The following CUX1 variants were observed in gnomAD, a reference collection of about 807,000 sequenced individuals.
CUX1 encodes the protein cut like homeobox 1, also known as protein CASP.
In CUX1, 31 loss-of-function variants were observed where a neutral mutation model predicts 158.8. The ratio of observed to expected loss-of-function variants is 0.20; its 90% confidence interval spans 0.15 to 0.26. The LOEUF (loss-of-function observed/expected upper bound fraction) is 0.26, where lower values mean the gene tolerates loss of function less well. CUX1 is among the 10% of genes least tolerant of loss of function. The pLI is 1.00. For missense variants in CUX1, 1,589 were observed against 2,014.6 expected, an observed-to-expected ratio of 0.79 and a Z score of 4.04; for synonymous variants, 879 against 862.1, an observed-to-expected ratio of 1.02 and a Z score of -0.34.
chr7:102,168,609 A>G (rs1475103036), intron 9 of CUX1, among the ~76,000 whole-genome samples: 1 of 139,150 alleles, frequency 7.2e-6, no homozygotes, highest in Non-Finnish European at 1.5e-5. Flanking sequence ...ATGCCACTGC[A>G]CTCCAGCCTA....
At chr7:102,143,532 C>T (rs1834687816) in intron 8 of CUX1, among the ~76,000 whole-genome samples, 1 of 152,218 alleles carries the variant, frequency 6.6e-6, no homozygotes, top group Non-Finnish European at 1.5e-5. Context: ...CTTGGCCTCC[C>T]AAAGTGCTGG....
At chr7:101,818,466 T>C (rs2130875471) in intron 1 of CUX1, among the ~76,000 whole-genome samples, 1 of 152,362 alleles carries the variant, frequency 6.6e-6, no homozygotes, top group East Asian at 1.9e-4. Context: ...CTAGAGTTAC[T>C]AGATTTTAAG....
At chr7:102,060,053 A>G (rs1032142871) in intron 3 of CUX1, among the ~76,000 whole-genome samples, 2 of 152,006 alleles carry the variant, frequency 1.3e-5, no homozygotes, top group Admixed American at 6.6e-5. Flanking sequence ...AGGTGGGCGG[A>G]TCATGAGGTC....
At chr7:102,188,242 C>T (rs1171313712) in intron 11 of CUX1, among the ~76,000 whole-genome samples, 6 of 151,896 alleles carry the variant, frequency 4.0e-5, no homozygotes, top group Middle Eastern at 3.4e-3. Flanking sequence ...AAGCATAATA[C>T]CTAGAAACCC....
rs1789803329 is a variant in CUX1, at chr7:102,255,525, C to T, written c.*6483C>T. ...CTTTTCATGAATCCTTTTAGTTTAC[C>T]CGATAATGTTAAGAAAGCATTAGTC... is the stretch of plus-strand genomic sequence containing the variant. On this transcript the variant is annotated 3_prime_UTR_variant, in exon 24 of 24. Transcript: ENST00000292535. 2 of 985,206 alleles carry T rather than the reference C, an allele frequency of 2.0e-6. No individual in the cohort carries two copies. The highest frequency in any genetic ancestry group is 2.4e-6 in the Non-Finnish European group (2 of 829,928). The allele number at this position is 985,206 out of a possible 1,614,324, so 61.0% of individuals were successfully genotyped here.
intron 3 of CUX1, among the ~76,000 whole-genome samples, chr7:102,051,275 CT>C (rs1301551216): frequency 6.6e-6 from 1 of 151,876 alleles, no homozygotes; most frequent in African/African-American, 2.4e-5. Context: ...TGATCTTTGT[CT>C]TCTTTAAAAC....
chr7:102,085,720 G>A (rs1827893105), intron 4 of CUX1, among the ~76,000 whole-genome samples: 2 of 152,138 alleles, frequency 1.3e-5, no homozygotes, highest in Admixed American at 1.3e-4. Flanking sequence ...TACAACTATA[G>A]TTTTCTGGTT....
At chr7:101,889,861 G>T (rs1800675907) in intron 1 of CUX1, among the ~76,000 whole-genome samples, 1 of 152,258 alleles carries the variant, frequency 6.6e-6, no homozygotes, top group Admixed American at 6.5e-5. Context: ...AGTTGCAAAT[G>T]CGGCCTTCTT....
chr7:101,932,902 T>C (rs931901796), intron 2 of CUX1, among the ~76,000 whole-genome samples: 4 of 152,268 alleles, frequency 2.6e-5, no homozygotes, highest in African/African-American at 9.6e-5. Context: ...TTTGCCACTC[T>C]AAGGAGAGGT....
intron 1 of CUX1, among the ~76,000 whole-genome samples, chr7:101,848,453 A>G (rs994047025): frequency 2.0e-5 from 3 of 152,172 alleles, no homozygotes; most frequent in African/African-American, 7.2e-5. Flanking sequence ...CCGCGAGGAG[A>G]AAATTTTCAA....
intron 10 of CUX1, among the ~76,000 whole-genome samples, chr7:102,174,949 C>CA (rs1177141548): frequency 1.3e-5 from 2 of 151,960 alleles, no homozygotes; most frequent in Non-Finnish European, 2.9e-5. Context: ...GACTCCATCT[C>CA]AAAAAACAAA....
intron 1 of CUX1, among the ~76,000 whole-genome samples, chr7:101,846,662 G>A (rs910029639): frequency 3.9e-5 from 6 of 152,022 alleles, no homozygotes; most frequent in Admixed American, 2.0e-4. Context: ...TGACAGTATC[G>A]ATCATCCACT....
intron 5 of CUX1, among the ~76,000 whole-genome samples, chr7:102,102,306 C>T (rs1554486727): frequency 1.3e-5 from 2 of 151,054 alleles, no homozygotes. Context: ...CGCCTGTAAT[C>T]TCAGCTACTC....
chr7:102,123,385 G>A (rs561278805), intron 8 of CUX1, among the ~76,000 whole-genome samples: 38 of 151,998 alleles, frequency 2.5e-4, no homozygotes, highest in African/African-American at 8.9e-4. Flanking sequence ...CGAGGCGGGC[G>A]AATCATGAGG....
Position 102,201,024 on chromosome 7 carries a change from C to CAAAAAA in CUX1, c.2063-336_2063-335insAAAAAA, listed in dbSNP as rs1795369830. On this transcript the variant is annotated intron_variant, in intron 17 of 23. Transcript: ENST00000292535. This position sits in a 1 kb window ranked among gnomAD's most constrained non-coding sequence, Gnocchi z 5.0. ...CCTGGACAACAGCGAGATCCTGTCGCTAAAAAAAAAAAAAAAAAAAAAAAA... is the reference window on the plus strand; with the variant it reads ...CCTGGACAACAGCGAGATCCTGTCGCAAAAAATAAAAAAAAAAAAAAAAAAAAAAAA... 4.7e-5 allele frequency among the ~76,000 whole-genome samples: 2 copies of CAAAAAA among 42,830 alleles called. No homozygotes were observed. Among genetic ancestry groups the CAAAAAA allele is most frequent in the South Asian group, 1.8e-3 (2 of 1,102 alleles). 28.1% of individuals were successfully genotyped at this position (42,830 alleles called of 152,430 possible).
At chr7:101,867,678 G>C (rs1268618391) in intron 1 of CUX1, among the ~76,000 whole-genome samples, 1 of 152,252 alleles carries the variant, frequency 6.6e-6, no homozygotes, top group Non-Finnish European at 1.5e-5. Flanking sequence ...CTCCCGGTAA[G>C]CAACCTGATG....
At chr7:101,897,512 AAT>A (rs1460652247) in intron 1 of CUX1, among the ~76,000 whole-genome samples, 35 of 151,130 alleles carry the variant, frequency 2.3e-4, no homozygotes, top group African/African-American at 5.4e-4. Context: ...AAAAAAAAAA[AAT>A]AATAATAATA....
intron 1 of CUX1, among the ~76,000 whole-genome samples, chr7:101,830,211 G>A (rs560071951): frequency 2.6e-4 from 40 of 152,284 alleles, no homozygotes; most frequent in African/African-American, 7.9e-4. Context: ...CAGTGATACC[G>A]CACTCAAATC....
intron 23 of CUX1, among the ~76,000 whole-genome samples, chr7:102,242,171 G>T (rs1175306664): frequency 6.6e-6 from 1 of 151,352 alleles, no homozygotes; most frequent in Non-Finnish European, 1.5e-5. Flanking sequence ...TCTTTGCCAG[G>T]TGCCATGCTA....
Sources: gnomAD v4.1 joint callset for allele counts (sites outside exome capture counted in the v4.1 genomes callset) on GRCh38, gnomAD v4.1.1 for gene constraint, Gnocchi (gnomAD v3.1) non-coding constraint, MANE v1.5 for transcripts, NCBI Gene and HGNC (gene_info 2026-07-23, HGNC 2026-07-21) for gene names.